The following CEP85L variants were observed in gnomAD, a reference collection of about 807,000 sequenced individuals.
CEP85L encodes centrosomal protein of 85 kDa-like.
In CEP85L, 60 loss-of-function variants were observed where a neutral mutation model predicts 100.3. That is an observed-to-expected ratio of 0.60 (90% CI 0.49 to 0.74). CEP85L has a LOEUF of 0.74. Ranked by LOEUF, CEP85L falls within the 30% of genes least tolerant of loss-of-function variation. The pLI is 0.00. For missense variants in CEP85L, 973 were observed against 936.2 expected, an observed-to-expected ratio of 1.04 and a Z score of -0.51; for synonymous variants, 319 against 322.7, an observed-to-expected ratio of 0.99 and a Z score of 0.12.
chr6:118,508,159 G>T (rs1309137243), intron 5 of CEP85L, among the ~76,000 whole-genome samples: 3 of 152,026 alleles, frequency 2.0e-5, no homozygotes, highest in Admixed American at 2.0e-4. Context: ...TGTTGAGGAG[G>T]CTCATTTGCA....
chr6:118,695,041 G>C (rs1308890149), intron 1 of CEP85L, among the ~76,000 whole-genome samples: 2 of 151,944 alleles, frequency 1.3e-5, no homozygotes, highest in African/African-American at 4.8e-5. Context: ...GACCCTCTTT[G>C]TTCCACCCAT....
chr6:118,549,939 T>C (rs1000837151), intron 3 of CEP85L, among the ~76,000 whole-genome samples: 6 of 151,898 alleles, frequency 4.0e-5, no homozygotes, highest in South Asian at 4.1e-4. Context: ...TCAAATATAA[T>C]GTGGTAGTAC....
rs554113623 is a variant in CEP85L, at chr6:118,556,135, G to T, written c.1020+9394C>A. Among the ~76,000 whole-genome samples the T allele has an allele frequency of 4.6e-5, 7 of 152,292 alleles. No homozygotes were observed. The South Asian group carries it at 1.0e-3, about 23-fold the overall frequency. ...TTCATGGGTGTATGTCTTTACGGCA[G>T]AAAGATTTACACTCCTCTGGATATA... On this transcript the variant is annotated intron_variant, in intron 3 of 12. Transcript: ENST00000368491.
intron 1 of CEP85L, among the ~76,000 whole-genome samples, chr6:118,646,170 T>C (rs1775175349): frequency 6.6e-6 from 1 of 152,120 alleles, no homozygotes; most frequent in Non-Finnish European, 1.5e-5. Context: ...TGAGCCGAGA[T>C]TGCGCCATTG....
chr6:118,470,522 ATT>A lies in CEP85L; in HGVS notation c.2022+13_2022+14del. ...AATCATCCTTTCAAAGCAAAATTGA[ATT>A]TCTTCTACTCACTTCAAGCAATGCT... On this transcript the variant is annotated intron_variant, in intron 11 of 12. Transcript: ENST00000368491. 1.4e-6 allele frequency: 2 copies of A among 1,479,098 alleles called. No individual in the cohort carries two copies. Among genetic ancestry groups the A allele is most frequent in the Non-Finnish European group, 1.8e-6 (2 of 1,090,944 alleles). 91.6% of individuals were successfully genotyped at this position (1,479,098 alleles called of 1,614,324 possible).
At chr6:118,560,847 T>C (rs1583051920) in intron 3 of CEP85L, 1 of 152,688 alleles carries the variant, frequency 6.5e-6, no homozygotes, top group Admixed American at 6.6e-5. Context: ...TTGACTAAAG[T>C]TTAAAATTAA....
intron 10 of CEP85L, among the ~76,000 whole-genome samples, chr6:118,471,691 T>C (rs1052999370): frequency 1.3e-5 from 2 of 151,878 alleles, no homozygotes; most frequent in African/African-American, 4.8e-5. Flanking sequence ...AACTCAGAAG[T>C]TGGACAGAAA....
intron 1 of CEP85L, among the ~76,000 whole-genome samples, chr6:118,650,763 C>T (rs1258160505): frequency 1.3e-5 from 2 of 152,176 alleles, no homozygotes; most frequent in Non-Finnish European, 2.9e-5. Flanking sequence ...CGCGGAACTG[C>T]GGCCCCTCCG....
intron 1 of CEP85L, among the ~76,000 whole-genome samples, chr6:118,659,470 T>C (rs917029958): frequency 6.6e-6 from 1 of 152,220 alleles, no homozygotes; most frequent in Non-Finnish European, 1.5e-5. Context: ...GGGCAAGTTA[T>C]TTATACTGCG....
In CEP85L at chr6:118,480,517, T is replaced by C; in HGVS notation, c.1746-4A>G. The C allele has an allele frequency of 6.4e-7, 1 of 1,561,258 alleles. No homozygotes were observed. Among genetic ancestry groups the C allele is most frequent in the Non-Finnish European group, 8.8e-7 (1 of 1,135,350 alleles). ...TCTTTCTACTTTTTGTTGCAAACTA[T>C]TTCAAAAGACAATTATATGAAGAAA... On this transcript the variant is annotated splice_region_variant and splice_polypyrimidine_tract_variant and intron_variant, in intron 8 of 12. Transcript: ENST00000368491.
At chr6:118,486,128 G>C (rs1317352266) in intron 6 of CEP85L, among the ~76,000 whole-genome samples, 2 of 152,004 alleles carry the variant, frequency 1.3e-5, no homozygotes, top group Non-Finnish European at 2.9e-5. Context: ...ATATTCATTG[G>C]GTCTTGGGTT....
intron 1 of CEP85L, among the ~76,000 whole-genome samples, chr6:118,632,866 T>C (rs897954431): frequency 6.6e-6 from 1 of 152,234 alleles, no homozygotes; most frequent in Non-Finnish European, 1.5e-5. Context: ...TTTAAAGACG[T>C]ACTGCTGTGT....
chr6:118,541,637 T>A (rs553967175), intron 3 of CEP85L, among the ~76,000 whole-genome samples: 41 of 152,296 alleles, frequency 2.7e-4, no homozygotes, highest in Admixed American at 2.4e-3. Flanking sequence ...GTTCTCCACC[T>A]GAAGCAATCA....
At chr6:118,610,110 C>T (rs1263028409) in intron 2 of CEP85L, among the ~76,000 whole-genome samples, 1 of 152,132 alleles carries the variant, frequency 6.6e-6, no homozygotes, top group Non-Finnish European at 1.5e-5. Context: ...CATCACCACA[C>T]ATAGAGTTAC....
intron 10 of CEP85L, among the ~76,000 whole-genome samples, chr6:118,476,577 G>A (rs556457293): frequency 6.6e-6 from 1 of 152,234 alleles, no homozygotes; most frequent in African/African-American, 2.4e-5. Context: ...ATTGACTTAT[G>A]ATCCATTTTC....
intron 2 of CEP85L, among the ~76,000 whole-genome samples, chr6:118,626,140 T>C (rs557227741): frequency 8.9e-4 from 136 of 152,144 alleles, no homozygotes; most frequent in Non-Finnish European, 1.1e-3. Context: ...CTGGGTTGAG[T>C]AGGGGCTTGG....
At chr6:118,681,734 T>G (rs994772372) in intron 1 of CEP85L, among the ~76,000 whole-genome samples, 1 of 145,284 alleles carries the variant, frequency 6.9e-6, no homozygotes, top group African/African-American at 2.5e-5. Flanking sequence ...ATTATTATTC[T>G]ATTATAATTA....
At chr6:118,523,022 G>A (rs1361475094) in intron 4 of CEP85L, among the ~76,000 whole-genome samples, 1 of 152,150 alleles carries the variant, frequency 6.6e-6, no homozygotes, top group Non-Finnish European at 1.5e-5. Flanking sequence ...TGCGTTTAAA[G>A]GTTGAAATTA....
At chr6:118,488,704 G>A (rs1402437723) in intron 6 of CEP85L, among the ~76,000 whole-genome samples, 1 of 152,222 alleles carries the variant, frequency 6.6e-6, no homozygotes, top group South Asian at 2.1e-4. Context: ...TCCAGATCCA[G>A]GGGACCCAAT....
Sources: allele counts gnomAD v4.1 joint callset (sites outside exome capture counted in the v4.1 genomes callset), GRCh38; gene constraint gnomAD v4.1.1; transcripts MANE v1.5; gene names NCBI Gene and HGNC (gene_info 2026-07-23, HGNC 2026-07-21).